The following LCLAT1 variants were observed in gnomAD, a reference collection of about 807,000 sequenced individuals.
LCLAT1 encodes lysocardiolipin acyltransferase 1, also known as 1-AGP acyltransferase 8.
LCLAT1 carries 11 observed loss-of-function variants against 30.7 expected under a neutral mutation model. The observed-to-expected ratio is 0.36, with a 90% CI of 0.23 to 0.59. The LOEUF (loss-of-function observed/expected upper bound fraction) is 0.59. LCLAT1 is among the 20% of genes least tolerant of loss of function. LCLAT1 has a pLI of 0.77. For missense variants in LCLAT1, 402 were observed against 458.6 expected, an observed-to-expected ratio of 0.88 and a Z score of 1.13; for synonymous variants, 155 against 151.3, an observed-to-expected ratio of 1.02 and a Z score of -0.18.
intron 1 of LCLAT1, among the ~76,000 whole-genome samples, chr2:30,500,287 T>C (rs1482754657): frequency 6.6e-6 from 1 of 152,204 alleles, no homozygotes; most frequent in Non-Finnish European, 1.5e-5. Context: ...AAGAAATAGA[T>C]CTCTTATTTC....
chr2:30,581,024 G>T (rs535716016), intron 5 of LCLAT1, among the ~76,000 whole-genome samples: 74 of 152,236 alleles, frequency 4.9e-4, no homozygotes, highest in African/African-American at 1.8e-3. Flanking sequence ...CAGATCAGAG[G>T]TTAGGTAATC....
At chr2:30,558,320 C>T (rs1260364052) in intron 3 of LCLAT1, among the ~76,000 whole-genome samples, 5 of 152,096 alleles carry the variant, frequency 3.3e-5, no homozygotes, top group East Asian at 1.9e-4. Context: ...GCTCATTTGG[C>T]CAGGCGTGGT....
At chr2:30,628,646 G>A (rs1668623660) in intron 5 of LCLAT1, among the ~76,000 whole-genome samples, 1 of 151,954 alleles carries the variant, frequency 6.6e-6, no homozygotes, top group Admixed American at 6.6e-5. Flanking sequence ...TGACCAAGTT[G>A]GTATTTTAAT....
At chr2:30,496,187 G>C (rs1684103107) in intron 1 of LCLAT1, among the ~76,000 whole-genome samples, 1 of 152,092 alleles carries the variant, frequency 6.6e-6, no homozygotes, top group Non-Finnish European at 1.5e-5. Flanking sequence ...ACAGCAAGGG[G>C]GAAATCTGCC....
intron 1 of LCLAT1, among the ~76,000 whole-genome samples, chr2:30,489,496 G>A (rs1447499194): frequency 6.6e-6 from 1 of 152,102 alleles, no homozygotes; most frequent in African/African-American, 2.4e-5. Context: ...GGGACTACAG[G>A]TGCCTGCTGC....
chr2:30,467,782 G>A lies in LCLAT1; in HGVS notation c.-5+20399G>A, dbSNP rs183280741. 5.2e-3 allele frequency among the ~76,000 whole-genome samples: 785 copies of A among 152,288 alleles called. 1 individual carries two copies. The highest frequency in any genetic ancestry group is 0.011 in the Admixed American group (171 of 15,296). On this transcript the variant is annotated intron_variant, in intron 1 of 5. Coordinates refer to ENST00000379509, the MANE Select transcript of LCLAT1 (RefSeq NM_001002257.3). ...TATCCTTCGCCCACTTTTTGATGGG[G>A]TTGTTTGATTTTTTTCTTGTAAATT... is the stretch of plus-strand genomic sequence containing the variant.
intron 1 of LCLAT1, among the ~76,000 whole-genome samples, chr2:30,491,704 A>G (rs1244957197): frequency 6.6e-6 from 1 of 152,202 alleles, no homozygotes; most frequent in African/African-American, 2.4e-5. Flanking sequence ...ATATTTATTT[A>G]TAGCTACCAC....
chr2:30,591,488 T>C (rs960240078), intron 5 of LCLAT1, among the ~76,000 whole-genome samples: 41 of 152,146 alleles, frequency 2.7e-4, no homozygotes, highest in African/African-American at 9.9e-4. Flanking sequence ...AAAGAGTGCT[T>C]TTAGAATTTA....
chr2:30,519,384 A>G (rs1330580196), intron 1 of LCLAT1, among the ~76,000 whole-genome samples: 1 of 152,084 alleles, frequency 6.6e-6, no homozygotes, highest in Non-Finnish European at 1.5e-5. Context: ...AGGCTCCCCT[A>G]CCGAGGAAAT....
rs369470776 is a variant in LCLAT1 at position 30,602,161 on chromosome 2, T to A, written c.628+33985T>A. ...CAAATGGATGAAAGACCTGTAGGGC[T>A]TTCATTGGCAAATAATGGGGTGATA... is the stretch of plus-strand genomic sequence containing the variant. On this transcript the variant is annotated intron_variant, in intron 5 of 5. Coordinates refer to ENST00000379509, the MANE Select transcript of LCLAT1 (RefSeq NM_001002257.3). Among the ~76,000 whole-genome samples, 28 of 152,282 alleles carry A rather than the reference T, an allele frequency of 1.8e-4. No individual in the cohort carries two copies. The East Asian group carries it at 2.7e-3, about 15-fold the overall frequency.
At chr2:30,624,281 G>C (rs1668402822) in intron 5 of LCLAT1, among the ~76,000 whole-genome samples, 1 of 152,158 alleles carries the variant, frequency 6.6e-6, no homozygotes, top group African/African-American at 2.4e-5. Flanking sequence ...TACTAACATT[G>C]AATGTAAATG....
chr2:30,478,439 T>G (rs769631385), intron 1 of LCLAT1, among the ~76,000 whole-genome samples: 10 of 152,206 alleles, frequency 6.6e-5, no homozygotes, highest in Non-Finnish European at 1.2e-4. Flanking sequence ...CCCAATTTGG[T>G]ACATTTCTAA....
At chr2:30,639,383 T>TGACCTCTGAAAACAC (rs74765547) in intron 5 of LCLAT1, among the ~76,000 whole-genome samples, 2 of 152,080 alleles carry the variant, frequency 1.3e-5, no homozygotes, top group African/African-American at 4.8e-5. Context: ...CTCTGGCCTG[T>TGACCTCTGAAAACAC]TTAAGTGAAA....
intron 1 of LCLAT1, among the ~76,000 whole-genome samples, chr2:30,509,853 G>A (rs771319635): frequency 1.2e-4 from 19 of 152,090 alleles, no homozygotes; most frequent in Non-Finnish European, 1.5e-4. Flanking sequence ...CATAAGCCAC[G>A]ACGCCCAACA....
intron 1 of LCLAT1, among the ~76,000 whole-genome samples, chr2:30,491,001 A>G (rs1683810175): frequency 2.0e-5 from 3 of 152,258 alleles, no homozygotes; most frequent in African/African-American, 2.4e-5. Flanking sequence ...CATTTTAGAC[A>G]TACTAGGTTA....
At chr2:30,593,411 A>C (rs942368879) in intron 5 of LCLAT1, among the ~76,000 whole-genome samples, 2 of 152,148 alleles carry the variant, frequency 1.3e-5, no homozygotes, top group African/African-American at 2.4e-5. Context: ...TGATCTATGC[A>C]TCTGTTTTTC....
At chr2:30,469,456 T>C (rs942940935) in intron 1 of LCLAT1, among the ~76,000 whole-genome samples, 1 of 152,166 alleles carries the variant, frequency 6.6e-6, no homozygotes, top group Non-Finnish European at 1.5e-5. Flanking sequence ...TAGTATCATT[T>C]GTTACAGATA....
chr2:30,627,283 A>G (rs906518927), intron 5 of LCLAT1, among the ~76,000 whole-genome samples: 1 of 152,090 alleles, frequency 6.6e-6, no homozygotes, highest in Admixed American at 6.6e-5. Context: ...TGGGGTTACA[A>G]TCTTCTCTGA....
chr2:30,537,091 C>T (rs1477159466), intron 3 of LCLAT1, among the ~76,000 whole-genome samples: 1 of 152,182 alleles, frequency 6.6e-6, no homozygotes, highest in African/African-American at 2.4e-5. Context: ...ATAAGATAGA[C>T]TTCAAGTTGG....
Sources: gnomAD v4.1 joint callset for allele counts (sites outside exome capture counted in the v4.1 genomes callset) on GRCh38, gnomAD v4.1.1 for gene constraint, MANE v1.5 for transcripts, NCBI Gene and HGNC (gene_info 2026-07-23, HGNC 2026-07-21) for gene names.